SCCPDH: variants seen among roughly 807,000 people sequenced by gnomAD.
The protein encoded by SCCPDH is saccharopine dehydrogenase-like oxidoreductase.
In SCCPDH, 34 loss-of-function variants were observed where a neutral mutation model predicts 51.5. The observed-to-expected ratio is 0.66, with a 90% CI of 0.50 to 0.88. SCCPDH has a LOEUF of 0.88. Ranked by LOEUF, SCCPDH falls within the 40% of genes least tolerant of loss-of-function variation. The pLI is 0.00. For missense variants in SCCPDH, 464 were observed against 527.1 expected, an observed-to-expected ratio of 0.88 and a Z score of 1.17; for synonymous variants, 187 against 191.3, an observed-to-expected ratio of 0.98 and a Z score of 0.19.
chr1:246,743,139 A>G (rs12040914), intron 4 of SCCPDH, among the ~76,000 whole-genome samples: 148,747 of 152,158 alleles, frequency 0.98, 72,800 homozygotes, highest in East Asian at 1. Context: ...TTTTTCTGTC[A>G]CCTAGGCTGG....
At chr1:246,765,608 G>A (rs1669076710) in intron 10 of SCCPDH, among the ~76,000 whole-genome samples, 1 of 152,142 alleles carries the variant, frequency 6.6e-6, no homozygotes, top group African/African-American at 2.4e-5. Context: ...TTTAAGTGAA[G>A]TGTGTGAATA....
At chr1:246,731,810 C>T (rs566116876) in intron 2 of SCCPDH, among the ~76,000 whole-genome samples, 15 of 152,258 alleles carry the variant, frequency 9.9e-5, no homozygotes, top group African/African-American at 3.6e-4. Flanking sequence ...GCCTGCTGCA[C>T]CCATCAACCC....
rs780368365 is a variant in SCCPDH at position 246,744,131 on chromosome 1, T to C, written c.564+6T>C. ...CTATACATTCAGGACCTGAGGTTGG[T>C]TTTTTGGTTTGTCTTGTGTTGTTTC... is the stretch of plus-strand genomic sequence containing the variant. On this transcript the variant is annotated splice_donor_region_variant and intron_variant, in intron 5 of 11. Transcript: ENST00000366510. 3.8e-6 allele frequency: 6 copies of C among 1,578,440 alleles called. No individual in the cohort carries two copies. The highest frequency in any genetic ancestry group is 5.2e-6 in the Non-Finnish European group (6 of 1,150,954).
At chr1:246,754,907 TG>T (rs1668907707) in intron 5 of SCCPDH, among the ~76,000 whole-genome samples, 1 of 152,230 alleles carries the variant, frequency 6.6e-6, no homozygotes. Context: ...TTAGTTTTGT[TG>T]ATTTTTTCTA....
At chr1:246,764,486 TTAAAA>T (rs1175479622) in intron 10 of SCCPDH, 129 bp downstream of exon 10, 2 of 501,238 alleles carry the variant, frequency 4.0e-6, no homozygotes, top group East Asian at 3.3e-5. Flanking sequence ...ATTAAGTAAC[TTAAAA>T]TTATTCTGTC....
In SCCPDH at chr1:246,740,165, T is replaced by G; in HGVS notation, c.385-7T>G. ...ACTAATTAAAATTCTTATCCTGGAT[T>G]TTTTAGTTTCTGGAACTAATGCAAC... is the stretch of plus-strand genomic sequence containing the variant. On this transcript the variant is annotated splice_polypyrimidine_tract_variant and splice_region_variant and intron_variant, in intron 3 of 11. Transcript: ENST00000366510. The G allele has an allele frequency of 1.3e-6, 2 of 1,564,578 alleles. No homozygotes were observed. The highest frequency in any genetic ancestry group is 1.7e-6 in the Non-Finnish European group (2 of 1,148,264).
intron 5 of SCCPDH, among the ~76,000 whole-genome samples, chr1:246,750,090 T>G (rs12083314): frequency 1.3e-5 from 2 of 152,172 alleles, no homozygotes; most frequent in African/African-American, 2.4e-5. Context: ...CCAGGTGTAA[T>G]GAGTCCATCC....
At chr1:246,746,325 C>T (rs2102985914) in intron 5 of SCCPDH, among the ~76,000 whole-genome samples, 1 of 152,156 alleles carries the variant, frequency 6.6e-6, no homozygotes, top group East Asian at 1.9e-4. Flanking sequence ...CAGAACGGAA[C>T]AGAACAGGAC....
intron 5 of SCCPDH, among the ~76,000 whole-genome samples, chr1:246,754,289 G>A (rs1668897956): frequency 6.6e-6 from 1 of 152,140 alleles, no homozygotes; most frequent in Admixed American, 6.6e-5. Flanking sequence ...ATTGCTGAGA[G>A]TCCGGGTTTA....
chr1:246,746,107 C>CAAAAAAAAA (rs756929255), intron 5 of SCCPDH, among the ~76,000 whole-genome samples: 1 of 79,572 alleles, frequency 1.3e-5, no homozygotes, highest in African/African-American at 7.0e-5. Context: ...GACTCCATCT[C>CAAAAAAAAA]AAAAAAAAAA....
At chr1:246,743,176 T>C (rs1242163191) in intron 4 of SCCPDH, among the ~76,000 whole-genome samples, 1 of 151,624 alleles carries the variant, frequency 6.6e-6, no homozygotes, top group Non-Finnish European at 1.5e-5. Flanking sequence ...CATGGCTCAC[T>C]GCAGCCTTGA....
In SCCPDH at chr1:246,724,992, G is replaced by A. The variant is rs1010223450; in HGVS notation, c.190+380G>A. Among the ~76,000 whole-genome samples, 3 of 152,146 alleles carry A rather than the reference G, an allele frequency of 2.0e-5. No homozygotes were observed. In the South Asian group the frequency reaches 6.2e-4, roughly 31 times the overall value. On this transcript the variant is annotated intron_variant, in intron 1 of 11. Transcript: ENST00000366510. Reference sequence around the variant, plus strand: ...CTGTTGAATCTGCGGGTTTCTAGATGTTTGGTCGGAGAGGAGAGGAGGGCT... The same window carrying A: ...CTGTTGAATCTGCGGGTTTCTAGATATTTGGTCGGAGAGGAGAGGAGGGCT...
chr1:246,744,699 C>T (rs1227248039), intron 5 of SCCPDH, among the ~76,000 whole-genome samples: 2 of 152,184 alleles, frequency 1.3e-5, no homozygotes, highest in Non-Finnish European at 2.9e-5. Context: ...CACTCAATCT[C>T]TGCCTCCCGG....
intron 9 of SCCPDH, among the ~76,000 whole-genome samples, chr1:246,763,543 TC>T (rs1364674631): frequency 6.6e-6 from 1 of 152,210 alleles, no homozygotes; most frequent in East Asian, 1.9e-4. Context: ...TATATACAGT[TC>T]AGAACCATTG....
chr1:246,731,402 C>A (rs1210244283), intron 2 of SCCPDH, among the ~76,000 whole-genome samples: 1 of 152,216 alleles, frequency 6.6e-6, no homozygotes, highest in African/African-American at 2.4e-5. Context: ...ATTAATACTT[C>A]ACTGCAGCCT....
chr1:246,736,102 G>A (rs775999822), intron 3 of SCCPDH, 47 bp downstream of exon 3: 30 of 1,339,158 alleles, frequency 2.2e-5, no homozygotes, highest in East Asian at 4.6e-5. Flanking sequence ...CATAAATTTC[G>A]GTTTAATGAA....
In SCCPDH at chr1:246,758,374, C is replaced by A. The variant is rs368787445; in HGVS notation, c.695+18C>A. On this transcript the variant is annotated intron_variant, in intron 6 of 11. Transcript: ENST00000366510. ...AAGAGAAGGTAAATTAACTTAAAAT[C>A]CATTTTTTATATATCTAGTCTAAGT... 1.9e-6 allele frequency: 3 copies of A among 1,582,356 alleles called. No homozygotes were observed. The African/African-American group carries it at 4.1e-5, about 22-fold the overall frequency.
chr1:246,729,024 G>A (rs1572292036), intron 2 of SCCPDH, among the ~76,000 whole-genome samples: 1 of 152,340 alleles, frequency 6.6e-6, no homozygotes, highest in Middle Eastern at 3.4e-3. Flanking sequence ...GTTCCGTGGT[G>A]CCCCTTGAGC....
intron 5 of SCCPDH, chr1:246,755,560 T>G (rs922132962): frequency 1.3e-5 from 2 of 152,292 alleles, no homozygotes; most frequent in Non-Finnish European, 2.9e-5. Context: ...ACTAGTGGCC[T>G]AAGCAGGACG....
Sources: allele counts gnomAD v4.1 joint callset (sites outside exome capture counted in the v4.1 genomes callset), GRCh38; gene constraint gnomAD v4.1.1; transcripts MANE v1.5; gene names NCBI Gene and HGNC (gene_info 2026-07-23, HGNC 2026-07-21).